APBB1IP: variants seen among roughly 807,000 people sequenced by gnomAD.
APBB1IP encodes amyloid beta precursor protein binding family B member 1 interacting protein.
APBB1IP carries 27 observed loss-of-function variants against 64.9 expected under a neutral mutation model. That is an observed-to-expected ratio of 0.42 (90% CI 0.31 to 0.57). The LOEUF is 0.57. APBB1IP is among the 20% of genes least tolerant of loss of function. The probability of loss-of-function intolerance (pLI) is 0.20; values close to 1 mark genes in which losing one functional copy is unlikely to be tolerated. For missense variants in APBB1IP, 812 were observed against 845.5 expected (o/e 0.96, Z 0.49); for synonymous variants, 392 against 331.0 (o/e 1.18, Z -2.00).
intron 11 of APBB1IP, among the ~76,000 whole-genome samples, chr10:26,557,496 G>C (rs977051023): frequency 6.6e-6 from 1 of 152,192 alleles, no homozygotes; most frequent in East Asian, 1.9e-4. Flanking sequence ...AGACCAAAGA[G>C]AGGAATTTTT....
intron 2 of APBB1IP, among the ~76,000 whole-genome samples, chr10:26,478,523 G>A (rs1267405877): frequency 6.6e-6 from 1 of 151,704 alleles, no homozygotes; most frequent in Non-Finnish European, 1.5e-5. Context: ...TCTGAGGCAG[G>A]AGAATCACTT....
intron 8 of APBB1IP, among the ~76,000 whole-genome samples, chr10:26,520,955 ACT>A (rs1836394258): frequency 6.6e-6 from 1 of 152,220 alleles, no homozygotes; most frequent in Non-Finnish European, 1.5e-5. Context: ...GAGAAACTAA[ACT>A]CTGCAAATTT....
Position 26,567,710 on chromosome 10 carries a change from A to G in APBB1IP, c.*222A>G, listed in dbSNP as rs1487607910. The G allele has an allele frequency of 1.8e-6, 2 of 1,129,626 alleles. No homozygotes were observed. The highest frequency in any genetic ancestry group is 1.7e-5 in the African/African-American group (1 of 60,166). 70.0% of individuals were successfully genotyped at this position (1,129,626 alleles called of 1,614,324 possible). On this transcript the variant is annotated 3_prime_UTR_variant, in exon 15 of 15. Coordinates refer to ENST00000376236, the MANE Select transcript of APBB1IP (RefSeq NM_019043.4). ...ATGTATTTTAACCTAAATGGAATGT[A>G]TCTTCCCTTCCAAGCTGCCTAAAGC...
In APBB1IP at chr10:26,513,788, A is replaced by G. The variant is rs899679189; in HGVS notation, c.813+128A>G. 6.8e-6 allele frequency: 8 copies of G among 1,174,052 alleles called. No homozygotes were observed. In the Admixed American group the frequency reaches 1.1e-4, roughly 16 times the overall value. The allele number at this position is 1,174,052 out of a possible 1,614,324, so 72.7% of individuals were successfully genotyped here. A position where few individuals can be genotyped will look rare whatever the true frequency, so the allele number is the denominator to read the frequency against. ...GACGGAGTCTCGAAGGCTGGAGTGC[A>G]GTGGCGTGATCTTGGCTCACTACAA... On this transcript the variant is annotated intron_variant, in intron 8 of 14. Transcript: ENST00000376236.
intron 6 of APBB1IP, among the ~76,000 whole-genome samples, chr10:26,508,348 C>A (rs986607770): frequency 6.7e-6 from 1 of 150,054 alleles, no homozygotes; most frequent in Non-Finnish European, 1.5e-5. Context: ...TTAAAAATGC[C>A]CTGGGACACC....
At chr10:26,521,190 G>A (rs1432836688) in intron 8 of APBB1IP, among the ~76,000 whole-genome samples, 1 of 152,184 alleles carries the variant, frequency 6.6e-6, no homozygotes, top group Admixed American at 6.5e-5. Context: ...TGGGAGCCAA[G>A]TATGAGTCTA....
chr10:26,479,776 A>G (rs1411867306), intron 2 of APBB1IP, among the ~76,000 whole-genome samples: 1 of 152,238 alleles, frequency 6.6e-6, no homozygotes, highest in Non-Finnish European at 1.5e-5. Context: ...TAGATGATTT[A>G]GTGTCTCCTC....
intron 6 of APBB1IP, among the ~76,000 whole-genome samples, chr10:26,507,570 A>G (rs566719594): frequency 3.9e-5 from 6 of 152,306 alleles, no homozygotes; most frequent in Non-Finnish European, 7.3e-5. Flanking sequence ...TGAGAGCAGG[A>G]TTGTAGCACA....
At chr10:26,539,102 A>G (rs558311456) in intron 10 of APBB1IP, among the ~76,000 whole-genome samples, 1 of 152,344 alleles carries the variant, frequency 6.6e-6, no homozygotes, top group African/African-American at 2.4e-5. Flanking sequence ...GAAAAATAGT[A>G]TAAAATCCTA....
intron 8 of APBB1IP, among the ~76,000 whole-genome samples, chr10:26,515,493 G>T (rs1437429493): frequency 6.6e-6 from 1 of 152,144 alleles, no homozygotes; most frequent in East Asian, 1.9e-4. Context: ...ATGACACTGA[G>T]CTACAAGGAA....
At chr10:26,509,049 C>T (rs1404433338) in intron 6 of APBB1IP, among the ~76,000 whole-genome samples, 1 of 152,208 alleles carries the variant, frequency 6.6e-6, no homozygotes, top group African/African-American at 2.4e-5. Flanking sequence ...AGCTACTTTA[C>T]AGCAGTAATT....
At chr10:26,438,933 G>C (rs557493698) in intron 2 of APBB1IP, 80 bp downstream of exon 2, 2 of 152,318 alleles carry the variant, frequency 1.3e-5, no homozygotes, top group South Asian at 4.1e-4. Context: ...CGTTTGTCAA[G>C]CCCGTCGGGT....
At chr10:26,501,133 T>C in intron 5 of APBB1IP, 22 bp downstream of exon 5, 4 of 1,614,070 alleles carry the variant, frequency 2.5e-6, no homozygotes, top group Non-Finnish European at 3.4e-6. Context: ...GGACCAGAGA[T>C]GGCAGGACCA....
chr10:26,503,116 G>T, intron 5 of APBB1IP, 81 bp from the exon 6 acceptor site: 1 of 1,322,804 alleles, frequency 7.6e-7, no homozygotes, highest in Non-Finnish European at 1.1e-6. Context: ...CAACGTAGCT[G>T]AGACACTAGC....
chr10:26,473,974 C>T (rs1835747963), intron 2 of APBB1IP, among the ~76,000 whole-genome samples: 2 of 147,158 alleles, frequency 1.4e-5, no homozygotes, highest in African/African-American at 5.1e-5. Context: ...TGCACTCCAG[C>T]CTGGGTGACA....
rs530886827 is a variant in APBB1IP, at chr10:26,453,079, A to T, written c.-1+14226A>T. On this transcript the variant is annotated intron_variant, in intron 2 of 14. Coordinates refer to ENST00000376236, the MANE Select transcript of APBB1IP (RefSeq NM_019043.4). ...CAGTACTAAGAGAGTTGAGGTATAA[A>T]TATTGCTCCTGTAATGTGGCTGAAG... is the stretch of plus-strand genomic sequence containing the variant. Among the ~76,000 whole-genome samples the T allele has an allele frequency of 7.9e-5, 12 of 152,354 alleles. 1 individual carries two copies. The highest frequency in any genetic ancestry group is 7.8e-4 in the Admixed American group (12 of 15,302).
At chr10:26,540,775 G>A (rs1168699521) in intron 10 of APBB1IP, among the ~76,000 whole-genome samples, 4 of 152,132 alleles carry the variant, frequency 2.6e-5, no homozygotes, top group Admixed American at 2.6e-4. Flanking sequence ...TCTTCACAGT[G>A]CCTGTTATCC....
At chr10:26,441,670 G>A (rs1023634847) in intron 2 of APBB1IP, among the ~76,000 whole-genome samples, 6 of 152,170 alleles carry the variant, frequency 3.9e-5, no homozygotes, top group Admixed American at 1.3e-4. Flanking sequence ...GCATGAGCAA[G>A]CAGAGAGGTG....
chr10:26,456,650 G>A (rs1028695889), intron 2 of APBB1IP, among the ~76,000 whole-genome samples: 4 of 150,592 alleles, frequency 2.7e-5, no homozygotes, highest in African/African-American at 9.8e-5. Context: ...GAGGTGGGAG[G>A]ATGGCTTTTG....
Sources: allele counts gnomAD v4.1 joint callset (sites outside exome capture counted in the v4.1 genomes callset), GRCh38; gene constraint gnomAD v4.1.1; transcripts MANE v1.5; gene names NCBI Gene and HGNC (gene_info 2026-07-23, HGNC 2026-07-21).